Variants in FRMD4A observed in about 807,000 individuals in gnomAD.
FRMD4A encodes FERM domain-containing protein 4A.
In FRMD4A, 29 loss-of-function variants were observed where a neutral mutation model predicts 129.1. The ratio of observed to expected loss-of-function variants is 0.22; its 90% confidence interval spans 0.17 to 0.31. The LOEUF (loss-of-function observed/expected upper bound fraction) is 0.31. FRMD4A is among the 10% of genes least tolerant of loss of function. FRMD4A has a pLI of 1.00. For missense variants in FRMD4A, 1,272 were observed against 1,375.8 expected (o/e 0.92, Z 1.19); for synonymous variants, 634 against 571.6 (o/e 1.11, Z -1.56).
At position 13,809,815 on chromosome 10, in the gene FRMD4A, T is replaced by C. The variant is rs1398318506; in HGVS notation, c.206+999A>G. ...AGACAGTCCCAACGACACCCCCTTT[T>C]GTTCAGTGTCTCAATTTGGATAATA... On this transcript the variant is annotated intron_variant, in intron 4 of 24. Coordinates refer to ENST00000357447, the MANE Select transcript of FRMD4A (RefSeq NM_018027.5). Among the ~76,000 whole-genome samples, 3 of 152,340 alleles carry C rather than the reference T, an allele frequency of 2.0e-5. No homozygotes were observed. The East Asian group carries it at 5.8e-4, about 29-fold the overall frequency.
At position 14,249,963 on chromosome 10, in the gene FRMD4A, C is replaced by CTTTA. The variant is rs753346292; in HGVS notation, c.45+80091_45+80094dup. On this transcript the variant is annotated intron_variant, in intron 2 of 24. Coordinates refer to ENST00000357447, the MANE Select transcript of FRMD4A (RefSeq NM_018027.5). ...AAATAAGATTATTTTCTTGTTTTTA[C>CTTTA]TTTATTTATTTATTTATTTATTTGA... Among the ~76,000 whole-genome samples, 190 of 152,104 alleles carry CTTTA rather than the reference C, an allele frequency of 1.2e-3. 2 individuals are homozygous for CTTTA. Among genetic ancestry groups the CTTTA allele is most frequent in the African/African-American group, 3.6e-3 (150 of 41,514 alleles).
At chr10:13,777,949 C>A (rs965383013) in intron 6 of FRMD4A, among the ~76,000 whole-genome samples, 1 of 151,780 alleles carries the variant, frequency 6.6e-6, no homozygotes, top group Admixed American at 6.6e-5. Context: ...ATTACAGGCG[C>A]CTGCCACCAC....
intron 22 of FRMD4A, 48 bp downstream of exon 22, chr10:13,656,588 C>A: frequency 7.4e-7 from 1 of 1,344,270 alleles, no homozygotes. Flanking sequence ...CACCGGCAAG[C>A]AGTTCGCCCT....
At chr10:14,017,304 C>T (rs770634182) in intron 2 of FRMD4A, among the ~76,000 whole-genome samples, 1 of 152,092 alleles carries the variant, frequency 6.6e-6, no homozygotes, top group Non-Finnish European at 1.5e-5. Flanking sequence ...TGCTGTCAGT[C>T]GTGGATGGAT....
chr10:14,288,117 C>A (rs542100650), intron 2 of FRMD4A, among the ~76,000 whole-genome samples: 1 of 152,238 alleles, frequency 6.6e-6, no homozygotes, highest in South Asian at 2.1e-4. Context: ...CTCTCATCAC[C>A]CTTTTCATCT....
At chr10:14,238,288 T>C (rs978098803) in intron 2 of FRMD4A, among the ~76,000 whole-genome samples, 1 of 152,196 alleles carries the variant, frequency 6.6e-6, no homozygotes, top group African/African-American at 2.4e-5. Context: ...TTAGATTAAA[T>C]AGCTTGTCTA....
In FRMD4A at chr10:14,019,652, T is replaced by C. The variant is rs144190428; in HGVS notation, c.46-160740A>G. Among the ~76,000 whole-genome samples, 110 of 152,290 alleles carry C rather than the reference T, an allele frequency of 7.2e-4. 2 individuals carry two copies. In the East Asian group the frequency reaches 0.017, roughly 23 times the overall value. On this transcript the variant is annotated intron_variant, in intron 2 of 24. Coordinates refer to ENST00000357447, the MANE Select transcript of FRMD4A (RefSeq NM_018027.5). ...TTGCCATGTACACATATTATTTTGA[T>C]AAAAATAAAAATTAAATTATAAACA...
chr10:14,070,710 A>G lies in FRMD4A; in HGVS notation c.46-211798T>C, dbSNP rs1835278322. ...TTATAACCACAATAGATGTTTATTT[A>G]ACATCTTTCTATTAAGTGCTGGTTG... On this transcript the variant is annotated intron_variant, in intron 2 of 24. Coordinates refer to ENST00000357447, the MANE Select transcript of FRMD4A (RefSeq NM_018027.5). Among the ~76,000 whole-genome samples, 7 of 152,216 alleles carry G rather than the reference A, an allele frequency of 4.6e-5. No individual in the cohort carries two copies. In the South Asian group the frequency reaches 1.5e-3, roughly 32 times the overall value.
In FRMD4A at chr10:14,269,391, C is replaced by T. The variant is rs146766647; in HGVS notation, c.45+60667G>A. Among the ~76,000 whole-genome samples the T allele has an allele frequency of 9.2e-5, 14 of 152,264 alleles. No individual in the cohort carries two copies. In the East Asian group the frequency reaches 1.9e-3, roughly 21 times the overall value. ...GTTATGGTTCTGCAGTTCAGGGTCT[C>T]AAGGGGCTAAAATCAGGGTGTCCAC... On this transcript the variant is annotated intron_variant, in intron 2 of 24. Coordinates refer to ENST00000357447, the MANE Select transcript of FRMD4A (RefSeq NM_018027.5).
rs181550373 is a variant in FRMD4A at position 14,154,097 on chromosome 10, T to G, written c.45+175961A>C. Among the ~76,000 whole-genome samples, 15 of 152,238 alleles carry G rather than the reference T, an allele frequency of 9.9e-5. No individual in the cohort carries two copies. In the East Asian group the frequency reaches 2.9e-3, roughly 29 times the overall value. ...ACCATCTGTGTTTGAAATACTTGAC[T>G]GGAAAGTATCTGGCAGTGACGCCCG... On this transcript the variant is annotated intron_variant, in intron 2 of 24. Transcript: ENST00000357447.
At chr10:14,083,396 T>C (rs766358421) in intron 2 of FRMD4A, 4 of 152,250 alleles carry the variant, frequency 2.6e-5, no homozygotes, top group African/African-American at 4.8e-5. Context: ...AGGTCTCCAA[T>C]TGTGACACCG....
At chr10:13,815,262 T>A (rs1360918542) in intron 3 of FRMD4A, among the ~76,000 whole-genome samples, 8 of 152,150 alleles carry the variant, frequency 5.3e-5, no homozygotes, top group Non-Finnish European at 1.2e-4. Context: ...CTGACGTGGA[T>A]GGAACCTGAA....
At chr10:13,789,331 T>A (rs2130802375) in intron 5 of FRMD4A, among the ~76,000 whole-genome samples, 1 of 152,254 alleles carries the variant, frequency 6.6e-6, no homozygotes, top group Admixed American at 6.5e-5. Context: ...GGCTGTAAAA[T>A]CCTTCCTCCC....
intron 2 of FRMD4A, among the ~76,000 whole-genome samples, chr10:14,205,679 C>T (rs1332930511): frequency 2.0e-5 from 3 of 151,904 alleles, no homozygotes; most frequent in Non-Finnish European, 4.4e-5. Context: ...TGGTGGCAGG[C>T]ACCTGTAGTC....
intron 2 of FRMD4A, among the ~76,000 whole-genome samples, chr10:13,907,758 C>A (rs1490938512): frequency 6.6e-6 from 1 of 151,860 alleles, no homozygotes; most frequent in Non-Finnish European, 1.5e-5. Flanking sequence ...AAAGTTGCTG[C>A]TAGATCAAAT....
intron 8 of FRMD4A, among the ~76,000 whole-genome samples, chr10:13,757,041 C>G (rs10796118): frequency 0.43 from 65,040 of 152,058 alleles, 15,072 homozygotes; most frequent in African/African-American, 0.62. Flanking sequence ...AAACCCTGCA[C>G]TGTTTACGAT....
chr10:13,828,264 C>T (rs2093733640), intron 3 of FRMD4A, among the ~76,000 whole-genome samples: 1 of 152,136 alleles, frequency 6.6e-6, no homozygotes, highest in East Asian at 1.9e-4. Context: ...GTATCCATCA[C>T]CCAAATAGCA....
intron 2 of FRMD4A, among the ~76,000 whole-genome samples, chr10:14,278,280 C>T (rs1845408208): frequency 1.3e-5 from 2 of 152,148 alleles, no homozygotes; most frequent in South Asian, 2.1e-4. Flanking sequence ...TCTAAATTTC[C>T]TTTTTCCACC....
At chr10:13,686,022 T>C (rs572407455) in intron 15 of FRMD4A, among the ~76,000 whole-genome samples, 52 of 152,236 alleles carry the variant, frequency 3.4e-4, no homozygotes, top group Admixed American at 1.5e-3. Flanking sequence ...TGCTCAAACA[T>C]GTCCAGAACC....
Sources: allele counts gnomAD v4.1 joint callset (sites outside exome capture counted in the v4.1 genomes callset), GRCh38; gene constraint gnomAD v4.1.1; transcripts MANE v1.5; gene names NCBI Gene and HGNC (gene_info 2026-07-23, HGNC 2026-07-21).